RNF11: variants seen among roughly 807,000 people sequenced by gnomAD.
RNF11 encodes the protein ring finger protein 11.
Under a neutral mutation model 15.8 loss-of-function variants are expected in RNF11, and 4 were observed. That is an observed-to-expected ratio of 0.25 (90% CI 0.12 to 0.58). RNF11 has a LOEUF of 0.58. Among genes scored for constraint, RNF11 ranks in the 20% least tolerant of loss-of-function variants. The pLI is 0.91. For synonymous variants in RNF11, 68 were observed against 72.3 expected, an observed-to-expected ratio of 0.94 and a Z score of 0.30; for missense variants, 139 against 194.4, an observed-to-expected ratio of 0.71 and a Z score of 1.70.
chr1:51,237,627 C>T (rs1646811059), intron 1 of RNF11, among the ~76,000 whole-genome samples: 1 of 151,988 alleles, frequency 6.6e-6, no homozygotes, highest in Non-Finnish European at 1.5e-5. Flanking sequence ...CAAAGACTCT[C>T]CTAAATACGT....
intron 1 of RNF11, among the ~76,000 whole-genome samples, chr1:51,269,472 T>C (rs1208857835): frequency 6.6e-6 from 1 of 152,134 alleles, no homozygotes; most frequent in Non-Finnish European, 1.5e-5. Context: ...TTTGAATTGT[T>C]TTGTTGTGTA....
rs1646876032 is a variant in RNF11, at chr1:51,251,212, C to T, written c.123+14333C>T. The T allele has an allele frequency of 5.1e-6, 7 of 1,376,638 alleles. No homozygotes were observed. In the South Asian group the frequency reaches 7.1e-5, roughly 14 times the overall value. 85.3% of individuals were successfully genotyped at this position (1,376,638 alleles called of 1,614,324 possible). On this transcript the variant is annotated intron_variant, in intron 1 of 2. Coordinates refer to ENST00000242719, the MANE Select transcript of RNF11 (RefSeq NM_014372.5). ...AGGAAAAAGTCAATGATCTCTGATT[C>T]CTTAATGGGCAGGGAGAAGAGATAG...
chr1:51,244,606 C>T (rs538481263), intron 1 of RNF11, among the ~76,000 whole-genome samples: 8 of 152,174 alleles, frequency 5.3e-5, no homozygotes, highest in Admixed American at 5.2e-4. Context: ...GATCTCCTGA[C>T]CTTGTGATCC....
At chr1:51,243,291 C>A (rs1294140774) in intron 1 of RNF11, among the ~76,000 whole-genome samples, 1 of 152,128 alleles carries the variant, frequency 6.6e-6, no homozygotes, top group Admixed American at 6.5e-5. Context: ...GACTTCTTAC[C>A]TTGTAAGGTC....
At chr1:51,255,574 TG>T (rs1646900871) in intron 1 of RNF11, among the ~76,000 whole-genome samples, 1 of 152,256 alleles carries the variant, frequency 6.6e-6, no homozygotes, top group Admixed American at 6.5e-5. Context: ...ACTTTCTTGC[TG>T]GTGTTTTTGG....
intron 1 of RNF11, chr1:51,264,837 A>T (rs1646947811): frequency 6.6e-6 from 1 of 152,190 alleles, no homozygotes; most frequent in African/African-American, 2.4e-5. Flanking sequence ...AGTGCCCTTC[A>T]GACAGACACG....
At chr1:51,248,421 C>G (rs957356029) in intron 1 of RNF11, among the ~76,000 whole-genome samples, 1 of 151,830 alleles carries the variant, frequency 6.6e-6, no homozygotes, top group South Asian at 2.1e-4. Context: ...AGGCTGGTGT[C>G]GAACTCCCGA....
intron 2 of RNF11, 101 bp downstream of exon 2, chr1:51,270,226 T>C (rs1367690198): frequency 2.5e-6 from 2 of 800,490 alleles, no homozygotes; most frequent in Non-Finnish European, 4.0e-6. Context: ...ACATTTAATA[T>C]ATTGAAACAC....
chr1:51,236,946 G>C (rs1646806386), intron 1 of RNF11, 67 bp downstream of exon 1: 1 of 1,535,344 alleles, frequency 6.5e-7, no homozygotes, highest in Non-Finnish European at 8.8e-7. Flanking sequence ...GGGGGCTTCG[G>C]GGCCGTCTCT....
intron 1 of RNF11, chr1:51,251,426 CCCAGGGCCT>C: frequency 9.1e-7 from 1 of 1,102,928 alleles, no homozygotes; most frequent in Non-Finnish European, 1.3e-6. Flanking sequence ...AGTTCCCCAT[CCCAGGGCCT>C]CCGGGCCCCC....
At chr1:51,258,822 T>C (rs1163985649) in intron 1 of RNF11, among the ~76,000 whole-genome samples, 1 of 152,214 alleles carries the variant, frequency 6.6e-6, no homozygotes, top group East Asian at 1.9e-4. Flanking sequence ...GAATTTATAG[T>C]GTAGTTATTA....
In RNF11 at chr1:51,236,697, G is replaced by C; in HGVS notation, c.-60G>C. On this transcript the variant is annotated 5_prime_UTR_variant, in exon 1 of 3. Coordinates refer to ENST00000242719, the MANE Select transcript of RNF11 (RefSeq NM_014372.5). ...CGCCAACCGAGGCGGACCGCGGAGTGTGCGAACGACCCCACCGCTGCTTTC... is the reference window on the plus strand; with the variant it reads ...CGCCAACCGAGGCGGACCGCGGAGTCTGCGAACGACCCCACCGCTGCTTTC... 1.2e-6 allele frequency: 2 copies of C among 1,601,328 alleles called. No individual in the cohort carries two copies. Among genetic ancestry groups the C allele is most frequent in the South Asian group, 2.2e-5 (2 of 89,774 alleles).
In RNF11 at chr1:51,245,205, G is replaced by A. The variant is rs138571215; in HGVS notation, c.123+8326G>A. 1.9e-4 allele frequency among the ~76,000 whole-genome samples: 28 copies of A among 149,434 alleles called. No homozygotes were observed. In the East Asian group the frequency reaches 4.5e-3, roughly 24 times the overall value. On this transcript the variant is annotated intron_variant, in intron 1 of 2. Coordinates refer to ENST00000242719, the MANE Select transcript of RNF11 (RefSeq NM_014372.5). ...CTCCTGAGTAGCTGGGACTATAGGC[G>A]TGCACCACTTTGCCTGGCTAATTTT...
At chr1:51,242,489 C>T (rs1284615988) in intron 1 of RNF11, among the ~76,000 whole-genome samples, 1 of 150,692 alleles carries the variant, frequency 6.6e-6, no homozygotes, top group East Asian at 2.0e-4. Flanking sequence ...AAACAAAAAA[C>T]AAACAAAACC....
At position 51,271,582 on chromosome 1, in the gene RNF11, AG is replaced by A. The variant is rs1646978771; in HGVS notation, c.*261del. 6.7e-6 allele frequency: 2 copies of A among 297,728 alleles called. No homozygotes were observed. The highest frequency in any genetic ancestry group is 6.3e-6 in the Non-Finnish European group (1 of 157,762). 18.4% of individuals were successfully genotyped at this position (297,728 alleles called of 1,614,324 possible). On this transcript the variant is annotated 3_prime_UTR_variant, in exon 3 of 3. Coordinates refer to ENST00000242719, the MANE Select transcript of RNF11 (RefSeq NM_014372.5). ...TGTATTTAGATCTTGTTATTGCTCC[AG>A]TACATAGGAATTGTGTAAAGTGTTA...
chr1:51,240,881 G>A (rs567301867), intron 1 of RNF11, among the ~76,000 whole-genome samples: 104 of 152,250 alleles, frequency 6.8e-4, no homozygotes, highest in Non-Finnish European at 1.2e-3. Context: ...CAGCTAGAGT[G>A]CAGTGGTGTC....
chr1:51,267,071 T>C (rs1206307178), intron 1 of RNF11, among the ~76,000 whole-genome samples: 3 of 152,028 alleles, frequency 2.0e-5, no homozygotes, highest in African/African-American at 7.2e-5. Context: ...CGAGACACTG[T>C]TTCTACCAAA....
chr1:51,264,297 T>A (rs1275738), intron 1 of RNF11, among the ~76,000 whole-genome samples: 286 of 87,266 alleles, frequency 3.3e-3, no homozygotes, highest in Non-Finnish European at 5.2e-3. Context: ...AATATATATA[T>A]ATATATATAT....
At chr1:51,238,752 G>A (rs112480530) in intron 1 of RNF11, among the ~76,000 whole-genome samples, 3,166 of 151,656 alleles carry the variant, frequency 0.021, 93 homozygotes, top group African/African-American at 0.064. Flanking sequence ...TAATGAGATG[G>A]AGTCTCGCTC....
Sources: allele counts gnomAD v4.1 joint callset (sites outside exome capture counted in the v4.1 genomes callset), GRCh38; gene constraint gnomAD v4.1.1; transcripts MANE v1.5; gene names NCBI Gene and HGNC (gene_info 2026-07-23, HGNC 2026-07-21).